Variants in DCTN3 observed in about 807,000 individuals in gnomAD.
The protein encoded by DCTN3 is dynactin 3 (p22).
A neutral mutation model predicts 28.4 loss-of-function variants in DCTN3; 25 were observed. The ratio of observed to expected loss-of-function variants is 0.88; its 90% CI spans 0.64 to 1.23. DCTN3 has a LOEUF of 1.23. Among genes scored for constraint, DCTN3 ranks in the 50% most tolerant of loss-of-function variants. The pLI, the probability that DCTN3 is intolerant of heterozygous loss-of-function variation, is 0.00. For synonymous variants in DCTN3, 81 were observed against 91.4 expected (o/e 0.89, Z 0.65); for missense variants, 229 against 232.0 (o/e 0.99, Z 0.08).
At position 34,617,986 on chromosome 9, in the gene DCTN3, A is replaced by G. The variant is rs376039967; in HGVS notation, c.182-15T>C. ...CAGATCTTCAACTAGAAAAGTAGCA[A>G]GATGGAAAATGGAATAGGGTTGGGC... On this transcript the variant is annotated splice_polypyrimidine_tract_variant and intron_variant, in intron 2 of 6. Coordinates refer to ENST00000259632, the MANE Select transcript of DCTN3 (RefSeq NM_007234.5). 6.2e-7 allele frequency: 1 copy of G among 1,611,332 alleles called. No homozygotes were observed. Among genetic ancestry groups the G allele is most frequent in the African/African-American group, 1.3e-5 (1 of 74,896 alleles).
rs1290643306 is a variant in DCTN3, at chr9:34,617,725, G to A, written c.268+160C>T. 18 of 1,514,752 alleles carry A rather than the reference G, an allele frequency of 1.2e-5. No individual in the cohort carries two copies. In the East Asian group the frequency reaches 4.2e-4, roughly 35 times the overall value. 93.8% of individuals were successfully genotyped at this position (1,514,752 alleles called of 1,614,324 possible). A position where few individuals can be genotyped will look rare whatever the true frequency, so the allele number is the denominator to read the frequency against. Reference sequence around the variant, plus strand: ...TATACTGTACTCAATGTCTACTAGAGGATCCATAGGATCCTCAACCCAGAA... The same window carrying A: ...TATACTGTACTCAATGTCTACTAGAAGATCCATAGGATCCTCAACCCAGAA... On this transcript the variant is annotated intron_variant, in intron 3 of 6. Coordinates refer to ENST00000259632, the MANE Select transcript of DCTN3 (RefSeq NM_007234.5).
chr9:34,620,329 G>T (rs1192524708), intron 1 of DCTN3, 40 bp downstream of exon 1: 7 of 1,583,190 alleles, frequency 4.4e-6, no homozygotes, highest in Non-Finnish European at 6.1e-6. Flanking sequence ...GACCGCTCTT[G>T]CTCTGCTCCA....
chr9:34,615,812 AGTTT>A (rs1820412366), intron 4 of DCTN3: 2 of 385,974 alleles, frequency 5.2e-6, no homozygotes, highest in Admixed American at 8.8e-5. Context: ...CAAGGTGGGA[AGTTT>A]GTTTGAACCA....
At chr9:34,614,262 C>G (rs1325519371) in intron 5 of DCTN3, 161 bp from the exon 6 acceptor site, 3 of 1,528,332 alleles carry the variant, frequency 2.0e-6, no homozygotes, top group Non-Finnish European at 2.6e-6. Context: ...CACTTTCAGG[C>G]TCCAGGATGG....
intron 2 of DCTN3, 151 bp downstream of exon 2, chr9:34,618,525 C>G: frequency 1.5e-6 from 1 of 661,640 alleles, no homozygotes; most frequent in Non-Finnish European, 2.8e-6. Flanking sequence ...CACAATTTAC[C>G]AATTGAATTG....
intron 5 of DCTN3, 152 bp downstream of exon 5, chr9:34,614,558 T>C: frequency 1.2e-6 from 1 of 820,746 alleles, no homozygotes; most frequent in Non-Finnish European, 1.9e-6. Context: ...TCCCTTTACC[T>C]CCCTGGGGCA....
chr9:34,619,560 T>C (rs1483615724), intron 1 of DCTN3, among the ~76,000 whole-genome samples: 1 of 151,962 alleles, frequency 6.6e-6, no homozygotes, highest in Non-Finnish European at 1.5e-5. Flanking sequence ...GGGAGGCAAA[T>C]AACACTGAGA....
At position 34,613,680 on chromosome 9, in the gene DCTN3, A is replaced by G; in HGVS notation, c.*102T>C. On this transcript the variant is annotated 3_prime_UTR_variant, in exon 7 of 7. Coordinates refer to ENST00000259632, the MANE Select transcript of DCTN3 (RefSeq NM_007234.5). ...CAGAGTACAGAGAGGTGGGCCTTGA[A>G]GCCAATAAATACAAAGCTTCCTCTG... 2 of 1,501,310 alleles carry G rather than the reference A, an allele frequency of 1.3e-6. No homozygotes were observed. The highest frequency in any genetic ancestry group is 1.8e-6 in the Non-Finnish European group (2 of 1,112,136). 93.0% of individuals were successfully genotyped at this position (1,501,310 alleles called of 1,614,324 possible).
chr9:34,613,875 G>C lies in DCTN3; in HGVS notation c.472-4C>G, dbSNP rs370343791. 2.5e-6 allele frequency: 4 copies of C among 1,614,158 alleles called. No homozygotes were observed. In the African/African-American group the frequency reaches 4.0e-5, roughly 16 times the overall value. On this transcript the variant is annotated splice_region_variant and splice_polypyrimidine_tract_variant and intron_variant, in intron 6 of 6. Coordinates refer to ENST00000259632, the MANE Select transcript of DCTN3 (RefSeq NM_007234.5). ...ATTGCTTGGAGAGAAGCATTGTCTG[G>C]TTGTAGGTCAAGGTGAGAATAGGAA...
chr9:34,620,380 C>T lies in DCTN3; in HGVS notation c.85G>A (p.Gly29Ser), dbSNP rs1269858831. The stretch of plus-strand genomic sequence containing the variant: ...ACCAGACTACTCACCTTCCGTGAGC[C>T]GCGCGCCCCGCCCGGCCCGTACACC... ...RWVYGPGGAR[G>S]SRKVADGLVK... is the part of the protein sequence containing the mutation. The change falls in exon 1 of 7, where the codon GGC becomes AGC. Residue 29 changes from glycine (G) to serine (S), a missense_variant. Coordinates refer to ENST00000259632, the MANE Select transcript of DCTN3 (RefSeq NM_007234.5). 6.2e-7 allele frequency: 1 copy of T among 1,608,932 alleles called. No homozygotes were observed. The highest frequency in any genetic ancestry group is 1.7e-5 in the Admixed American group (1 of 59,448).
rs2132301847 is a variant in DCTN3 at position 34,616,992 on chromosome 9, A to G, written c.269-879T>C. 6.6e-6 allele frequency among the ~76,000 whole-genome samples: 1 copy of G among 152,308 alleles called. No individual in the cohort carries two copies. The highest frequency in any genetic ancestry group is 2.1e-4 in the South Asian group (1 of 4,828). On this transcript the variant is annotated intron_variant, in intron 3 of 6. Coordinates refer to ENST00000259632, the MANE Select transcript of DCTN3 (RefSeq NM_007234.5). This position sits in a 1 kb window ranked among gnomAD's most constrained non-coding sequence, Gnocchi z 4.7. ...AAGAGTATGATTTAGGAGACTGTGC[A>G]ACCATTCATATGCAAGTGGATGCAC...
At chr9:34,618,420 C>T (rs1399988239) in intron 2 of DCTN3, among the ~76,000 whole-genome samples, 1 of 152,240 alleles carries the variant, frequency 6.6e-6, no homozygotes, top group Non-Finnish European at 1.5e-5. Flanking sequence ...TTTTTACCCT[C>T]CTTCACCAAG....
At chr9:34,614,663 T>C (rs1163547134) in intron 5 of DCTN3, 47 bp downstream of exon 5, 1 of 1,609,724 alleles carries the variant, frequency 6.2e-7, no homozygotes, top group African/African-American at 1.3e-5. Context: ...TGGGATGAGG[T>C]GCTGCGCCAC....
chr9:34,620,291 C>T (rs1011640469), intron 1 of DCTN3, 78 bp downstream of exon 1: 6 of 1,235,924 alleles, frequency 4.9e-6, no homozygotes, highest in Middle Eastern at 1.9e-4. Context: ...AGGACTGGAG[C>T]GGTTGCATCC....
rs1366504934 is a variant in DCTN3 at position 34,617,912 on chromosome 9, C to A, written c.241G>T (p.Ala81Ser). The A allele has an allele frequency of 1.9e-6, 3 of 1,613,998 alleles. No homozygotes were observed. The highest frequency in any genetic ancestry group is 2.5e-6 in the Non-Finnish European group (3 of 1,179,908). Residue 81 changes from alanine (A) to serine (S), a missense_variant, in exon 3 of 7, where the codon GCC (alanine) becomes TCC (serine). Coordinates refer to ENST00000259632, the MANE Select transcript of DCTN3 (RefSeq NM_007234.5). ...EYIDRIAIPD[A>S]SKLQFILAEE... ...GCTAGGATGAATTGCAGCTTAGAGG[C>A]ATCAGGTATGGCAATGCGGTCGATG...
chr9:34,619,279 TGAAATGACTATTG>T (rs1457811362), intron 1 of DCTN3, among the ~76,000 whole-genome samples: 1 of 152,172 alleles, frequency 6.6e-6, no homozygotes, highest in Non-Finnish European at 1.5e-5. Flanking sequence ...AGATTGAGTT[TGAAATGACTATTG>T]GATATCCAAG....
At position 34,614,684 on chromosome 9, in the gene DCTN3, G is replaced by A. The variant is rs12352811; in HGVS notation, c.411+26C>T. 9.3e-6 allele frequency: 15 copies of A among 1,613,626 alleles called. No homozygotes were observed. The East Asian group carries it at 1.6e-4, about 17-fold the overall frequency. Reference sequence around the variant, plus strand: ...GAGGTGCTGCGCCACCTCCATCTTCGCTTCTAGTCATCTCCCCTCCCATAC... The same window carrying A: ...GAGGTGCTGCGCCACCTCCATCTTCACTTCTAGTCATCTCCCCTCCCATAC... On this transcript the variant is annotated intron_variant, in intron 5 of 6. Coordinates refer to ENST00000259632, the MANE Select transcript of DCTN3 (RefSeq NM_007234.5).
Position 34,616,350 on chromosome 9 carries a change from A to T in DCTN3, c.269-237T>A. On this transcript the variant is annotated intron_variant, in intron 3 of 6. Transcript: ENST00000259632. The surrounding 1 kb of genome is among the most constrained non-coding windows in gnomAD (Gnocchi z 4.7). ...GAGCCTCTCAATTTCTCCAAATCCCACCTTTCTCCAAGGTTTAACTTCAAG... is the reference window on the plus strand; with the variant it reads ...GAGCCTCTCAATTTCTCCAAATCCCTCCTTTCTCCAAGGTTTAACTTCAAG... 1 of 381,826 alleles carries T rather than the reference A, an allele frequency of 2.6e-6. No individual in the cohort carries two copies. Among genetic ancestry groups the T allele is most frequent in the Non-Finnish European group, 4.8e-6 (1 of 208,320 alleles). 23.7% of individuals were successfully genotyped at this position (381,826 alleles called of 1,614,324 possible).
chr9:34,620,413 C>G lies in DCTN3; in HGVS notation c.52G>C (p.Glu18Gln), dbSNP rs1399023770. ...QRLQARVEEL[E>Q]RWVYGPGGAR... ...CCGCCCGGCCCGTACACCCAGCGCTCCAGCTCTTCCACTCGGGCCTGTAGC... is the reference window on the plus strand; with the variant it reads ...CCGCCCGGCCCGTACACCCAGCGCTGCAGCTCTTCCACTCGGGCCTGTAGC... The change falls in exon 1 of 7, where the codon GAG becomes CAG. Residue 18 changes from glutamate (E) to glutamine (Q), a missense_variant. Coordinates refer to ENST00000259632, the MANE Select transcript of DCTN3 (RefSeq NM_007234.5). The G allele has an allele frequency of 3.8e-6, 6 of 1,571,032 alleles. No individual in the cohort carries two copies. The highest frequency in any genetic ancestry group is 3.3e-4 in the Middle Eastern group (2 of 6,008).
Sources: gnomAD v4.1 joint callset for allele counts (sites outside exome capture counted in the v4.1 genomes callset) on GRCh38, gnomAD v4.1.1 for gene constraint, Gnocchi (gnomAD v3.1) non-coding constraint, MANE v1.5 for transcripts, NCBI Gene and HGNC (gene_info 2026-07-23, HGNC 2026-07-21) for gene names.